Variants in DNAI7 observed in about 807,000 individuals in gnomAD.
DNAI7 encodes the protein cancer susceptibility 1.
DNAI7 carries 78 observed loss-of-function variants against 86.6 expected under a neutral mutation model. That is an observed-to-expected ratio of 0.90 (90% CI 0.75 to 1.09). DNAI7 has a LOEUF of 1.09. DNAI7 is among the 50% of genes least tolerant of loss of function. DNAI7 has a pLI of 0.00. For synonymous variants in DNAI7, 274 were observed against 273.0 expected (o/e 1.00, Z -0.04); for missense variants, 753 against 810.2 (o/e 0.93, Z 0.86).
chr12:25,182,271 T>TG (rs1157419867), intron 2 of DNAI7, among the ~76,000 whole-genome samples: 22 of 134,688 alleles, frequency 1.6e-4, no homozygotes, highest in African/African-American at 4.7e-4. Flanking sequence ...CACTTGAACC[T>TG]GGGGGGCGGA....
intron 9 of DNAI7, among the ~76,000 whole-genome samples, chr12:25,132,154 G>A (rs1022532275): frequency 1.3e-5 from 2 of 151,946 alleles, no homozygotes; most frequent in African/African-American, 2.4e-5. Flanking sequence ...GAAATACATC[G>A]TTTCATTTCC....
chr12:25,157,661 G>A (rs1020280421), intron 4 of DNAI7, among the ~76,000 whole-genome samples: 24 of 151,958 alleles, frequency 1.6e-4, no homozygotes, highest in Non-Finnish European at 2.8e-4. Context: ...TTCTAATATG[G>A]TAAATATTGA....
At chr12:25,113,938 G>GTTTTTTTT (rs112532652) in intron 13 of DNAI7, among the ~76,000 whole-genome samples, 19 of 82,826 alleles carry the variant, frequency 2.3e-4, no homozygotes, top group African/African-American at 3.4e-4. Context: ...TTCTTTCTGG[G>GTTTTTTTT]TTTTTTTTTT....
Position 25,195,099 on chromosome 12 carries a change from A to C in DNAI7, c.-21T>G, listed in dbSNP as rs756802516. On this transcript the variant is annotated 5_prime_UTR_variant, in exon 1 of 16. Coordinates refer to ENST00000395987, the MANE Select transcript of DNAI7 (RefSeq NM_018272.5). ...ACCATTAAGAGTCAAGCTCCACTGCAGTAGTCCGCAGAGTCGGAGCAGAAA... is the reference window on the plus strand; with the variant it reads ...ACCATTAAGAGTCAAGCTCCACTGCCGTAGTCCGCAGAGTCGGAGCAGAAA... 1.2e-6 allele frequency: 2 copies of C among 1,613,362 alleles called. No individual in the cohort carries two copies. The highest frequency in any genetic ancestry group is 8.5e-7 in the Non-Finnish European group (1 of 1,179,260).
At chr12:25,154,002 T>C (rs1945865387) in intron 6 of DNAI7, among the ~76,000 whole-genome samples, 1 of 152,122 alleles carries the variant, frequency 6.6e-6, no homozygotes, top group Non-Finnish European at 1.5e-5. Flanking sequence ...ACAGTGGATA[T>C]TCCAACTGAG....
At chr12:25,141,913 T>C (rs1169433066) in intron 9 of DNAI7, among the ~76,000 whole-genome samples, 1 of 152,198 alleles carries the variant, frequency 6.6e-6, no homozygotes, top group East Asian at 1.9e-4. Context: ...AGAACACTTT[T>C]ACACTGATGG....
chr12:25,168,249 G>C (rs981811250), intron 2 of DNAI7, among the ~76,000 whole-genome samples: 1 of 152,062 alleles, frequency 6.6e-6, no homozygotes, highest in Admixed American at 6.5e-5. Context: ...ACCTACATGT[G>C]TCTACCTGCT....
intron 3 of DNAI7, among the ~76,000 whole-genome samples, chr12:25,159,148 T>C (rs1350401056): frequency 2.0e-5 from 3 of 152,192 alleles, no homozygotes; most frequent in Non-Finnish European, 4.4e-5. Flanking sequence ...AGCCATTGTC[T>C]CTTCTTTGCT....
At chr12:25,174,534 A>G (rs1948664945) in intron 2 of DNAI7, among the ~76,000 whole-genome samples, 1 of 125,420 alleles carries the variant, frequency 8.0e-6, no homozygotes, top group African/African-American at 3.0e-5. Context: ...TATATCATAT[A>G]TATGGGATAT....
At chr12:25,152,771 C>G (rs912274807) in intron 6 of DNAI7, among the ~76,000 whole-genome samples, 6 of 152,158 alleles carry the variant, frequency 3.9e-5, no homozygotes, top group Non-Finnish European at 8.8e-5. Flanking sequence ...TACTCAGTAC[C>G]AGCACTGGAT....
intron 7 of DNAI7, among the ~76,000 whole-genome samples, chr12:25,148,552 G>A (rs1945140862): frequency 6.6e-6 from 1 of 152,042 alleles, no homozygotes; most frequent in African/African-American, 2.4e-5. Flanking sequence ...ATTACACTGG[G>A]GATTGAAAAA....
chr12:25,110,015 A>T, intron 15 of DNAI7, 112 bp downstream of exon 15: 3 of 632,820 alleles, frequency 4.7e-6, no homozygotes, highest in Admixed American at 6.0e-5. Context: ...TTGAATGTTA[A>T]TTTTTTTAAC....
intron 9 of DNAI7, among the ~76,000 whole-genome samples, chr12:25,124,911 T>C (rs754288668): frequency 1.5e-5 from 2 of 133,436 alleles, no homozygotes; most frequent in African/African-American, 5.0e-5. Flanking sequence ...CTAAGGATAA[T>C]AGCCTTCAGC....
At chr12:25,123,588 T>A (rs1941654435) in intron 9 of DNAI7, among the ~76,000 whole-genome samples, 1 of 152,200 alleles carries the variant, frequency 6.6e-6, no homozygotes, top group Non-Finnish European at 1.5e-5. Flanking sequence ...TTATTTATAT[T>A]TGCATTTTGG....
At chr12:25,168,615 C>A (rs1375850704) in intron 2 of DNAI7, among the ~76,000 whole-genome samples, 1 of 152,280 alleles carries the variant, frequency 6.6e-6, no homozygotes, top group East Asian at 1.9e-4. Context: ...AAGGAGGACT[C>A]CGTATATTCT....
intron 7 of DNAI7, 84 bp from the exon 8 acceptor site, chr12:25,147,188 G>T: frequency 1.4e-6 from 1 of 705,090 alleles, no homozygotes; most frequent in Non-Finnish European, 2.5e-6. Context: ...TCACTTATGT[G>T]TTGGATTCCC....
At chr12:25,107,733 T>A (rs1949297773), downstream of DNAI7, 1 of 1,354,142 alleles carries the variant, frequency 7.4e-7, no homozygotes, top group African/African-American at 1.4e-5. Flanking sequence ...GAAGGGCAGA[T>A]CACCTGACTG....
intron 13 of DNAI7, among the ~76,000 whole-genome samples, chr12:25,112,624 T>C (rs1039752596): frequency 3.9e-5 from 6 of 152,070 alleles, no homozygotes; most frequent in African/African-American, 1.4e-4. Context: ...GCCAGGATGG[T>C]CTCGATCTCC....
chr12:25,171,016 C>T (rs1231830846), intron 2 of DNAI7, among the ~76,000 whole-genome samples: 1 of 151,980 alleles, frequency 6.6e-6, no homozygotes, highest in African/African-American at 2.4e-5. Flanking sequence ...ATGCCTACAT[C>T]AAAAAATCTG....
Sources: allele counts gnomAD v4.1 joint callset (sites outside exome capture counted in the v4.1 genomes callset), GRCh38; gene constraint gnomAD v4.1.1; transcripts MANE v1.5; gene names NCBI Gene and HGNC (gene_info 2026-07-23, HGNC 2026-07-21).